The following ADAMTS20 variants were observed in gnomAD, a reference collection of about 807,000 sequenced individuals.
The protein encoded by ADAMTS20 is ADAM metallopeptidase with thrombospondin type 1 motif 20.
In ADAMTS20, 225 loss-of-function variants were observed where a neutral mutation model predicts 260.1. The ratio of observed to expected loss-of-function variants is 0.87; its 90% CI spans 0.78 to 0.97. The LOEUF (loss-of-function observed/expected upper bound fraction) is 0.97. ADAMTS20 is among the 50% of genes least tolerant of loss of function. The pLI, the probability that ADAMTS20 is intolerant of heterozygous loss-of-function variation, is 0.00. For missense variants in ADAMTS20, 2,400 were observed against 2,337.7 expected (o/e 1.03, Z -0.55); for synonymous variants, 802 against 769.5 (o/e 1.04, Z -0.70).
chr12:43,374,991 T>G (rs960166539), intron 36 of ADAMTS20, among the ~76,000 whole-genome samples: 9 of 151,950 alleles, frequency 5.9e-5, no homozygotes, highest in Admixed American at 6.6e-5. Context: ...ACCAATATGG[T>G]GAAACCCCAT....
intron 29 of ADAMTS20, among the ~76,000 whole-genome samples, chr12:43,396,269 G>A (rs1044595533): frequency 5.9e-5 from 9 of 152,100 alleles, no homozygotes; most frequent in African/African-American, 1.9e-4. Flanking sequence ...AAGCACCTCT[G>A]TGGTCAAAAT....
In ADAMTS20 at chr12:43,434,362, C is replaced by G. The variant is rs769461598; in HGVS notation, c.2603G>C (p.Arg868Pro). 6.3e-7 allele frequency: 1 copy of G among 1,580,200 alleles called. No individual in the cohort carries two copies. Among genetic ancestry groups the G allele is most frequent in the South Asian group, 1.2e-5 (1 of 85,056 alleles). Reference protein sequence around the residue: ...GCTKMCQGLQRRNITCIHKSD... With the variant: ...GCTKMCQGLQPRNITCIHKSD... ...CTTATGTATGCAAGTTATGTTTCTT[C>G]GCTGAAGACCTTGGCCAAAGTCAAA... is the stretch of plus-strand genomic sequence containing the variant. Residue 868 changes from arginine to proline, a missense_variant, in exon 19 of 39, where the codon CGA (arginine) becomes CCA (proline). By Grantham distance (103) the Arg-to-Pro change is moderately radical (BLOSUM62 -2). Coordinates refer to ENST00000389420, the MANE Select transcript of ADAMTS20 (RefSeq NM_025003.5).
intron 11 of ADAMTS20, among the ~76,000 whole-genome samples, chr12:43,461,777 A>C (rs561665119): frequency 6.6e-6 from 1 of 152,318 alleles, no homozygotes; most frequent in African/African-American, 2.4e-5. Context: ...AGTCACAGGA[A>C]CCGAGAAAAA....
chr12:43,487,208 A>C (rs1037564977), intron 7 of ADAMTS20, among the ~76,000 whole-genome samples: 1 of 152,164 alleles, frequency 6.6e-6, no homozygotes, highest in African/African-American at 2.4e-5. Flanking sequence ...TGTGGTATGT[A>C]TACACCATGG....
intron 28 of ADAMTS20, among the ~76,000 whole-genome samples, chr12:43,407,265 G>A (rs1940936793): frequency 6.6e-6 from 1 of 151,576 alleles, no homozygotes; most frequent in Middle Eastern, 3.4e-3. Flanking sequence ...CAACTTAAAG[G>A]AAAAAACCAA....
chr12:43,479,826 G>A (rs1942415102), intron 7 of ADAMTS20, among the ~76,000 whole-genome samples: 2 of 151,902 alleles, frequency 1.3e-5, no homozygotes, highest in South Asian at 2.1e-4. Context: ...AGACAACAAA[G>A]AGCAGACATT....
At chr12:43,355,139 A>G (rs542909949) in intron 38 of ADAMTS20, among the ~76,000 whole-genome samples, 7 of 152,320 alleles carry the variant, frequency 4.6e-5, no homozygotes, top group Admixed American at 3.9e-4. Flanking sequence ...AGATGGAAGA[A>G]TGTTTTGAGA....
In ADAMTS20 at chr12:43,501,481, G is replaced by GCACACA. The variant is rs3036317; in HGVS notation, c.867+665_867+670dup. On this transcript the variant is annotated intron_variant, in intron 4 of 38. Coordinates refer to ENST00000389420, the MANE Select transcript of ADAMTS20 (RefSeq NM_025003.5). ...GGGATACGCGCGCGCGCGCGCGCGC[G>GCACACA]CACACACACACACACACACACATGT... is the stretch of plus-strand genomic sequence containing the variant. 1.8e-3 allele frequency among the ~76,000 whole-genome samples: 209 copies of GCACACA among 117,844 alleles called. 1 individual carries two copies. The highest frequency in any genetic ancestry group is 5.2e-3 in the Middle Eastern group (1 of 192). 77.3% of individuals were successfully genotyped at this position (117,844 alleles called of 152,430 possible). A position where few individuals can be genotyped will look rare whatever the true frequency, so the allele number is the denominator to read the frequency against.
chr12:43,497,391 T>C (rs1433984561), intron 4 of ADAMTS20, among the ~76,000 whole-genome samples: 1 of 152,170 alleles, frequency 6.6e-6, no homozygotes, highest in Admixed American at 6.5e-5. Context: ...ATATGGTATG[T>C]TCATAGGCCA....
intron 7 of ADAMTS20, among the ~76,000 whole-genome samples, chr12:43,483,084 G>A (rs953477640): frequency 6.6e-6 from 1 of 152,160 alleles, no homozygotes. Context: ...AAATCTCAGA[G>A]TCTACGTCAC....
chr12:43,427,462 C>T lies in ADAMTS20; in HGVS notation c.3953G>A (p.Ser1318Asn), dbSNP rs1014463225. 10 of 1,608,884 alleles carry T rather than the reference C, an allele frequency of 6.2e-6. No individual in the cohort carries two copies. Among genetic ancestry groups the T allele is most frequent in the Non-Finnish European group, 8.5e-6 (10 of 1,178,146 alleles). Residue 1318 changes from serine to asparagine, a missense_variant, in exon 27 of 39, where the codon AGC becomes AAC. Coordinates refer to ENST00000389420, the MANE Select transcript of ADAMTS20 (RefSeq NM_025003.5). ...ATGCTGAAGACCTCCAGAACAACTG[C>T]TGGAGCACTGACAAGAATAAAACAC... Reference protein sequence around the residue: ...WRTGPWGSCSSSCSGGLQHRA... With the variant: ...WRTGPWGSCSNSCSGGLQHRA...
At chr12:43,369,066 G>T (rs1940046471) in intron 37 of ADAMTS20, among the ~76,000 whole-genome samples, 1 of 152,044 alleles carries the variant, frequency 6.6e-6, no homozygotes, top group Non-Finnish European at 1.5e-5. Context: ...AGAAGAAATA[G>T]AATCTGTTTA....
intron 7 of ADAMTS20, among the ~76,000 whole-genome samples, chr12:43,482,274 C>G (rs867999217): frequency 1.3e-5 from 2 of 152,186 alleles, no homozygotes; most frequent in Non-Finnish European, 2.9e-5. Flanking sequence ...ACCAGAGGAG[C>G]GAGCCTGAAG....
intron 23 of ADAMTS20, 71 bp downstream of exon 23, chr12:43,430,281 A>T: frequency 6.7e-7 from 1 of 1,482,142 alleles, no homozygotes; most frequent in South Asian, 1.4e-5. Context: ...TAAGTAAAGA[A>T]ATAATTTTAA....
chr12:43,500,973 T>C (rs1439641820), intron 4 of ADAMTS20, among the ~76,000 whole-genome samples: 1 of 152,006 alleles, frequency 6.6e-6, no homozygotes, highest in Admixed American at 6.6e-5. Context: ...GGGCCTGAAT[T>C]CCCTATATGT....
chr12:43,540,902 T>G (rs777729018), intron 2 of ADAMTS20, among the ~76,000 whole-genome samples: 10 of 152,224 alleles, frequency 6.6e-5, no homozygotes, highest in Non-Finnish European at 1.5e-4. Context: ...TTTATTATCA[T>G]AGGCCAAAAT....
intron 29 of ADAMTS20, among the ~76,000 whole-genome samples, chr12:43,386,649 C>T (rs1399206631): frequency 1.3e-5 from 2 of 152,290 alleles, no homozygotes; most frequent in East Asian, 3.9e-4. Context: ...GGTCTTTTCA[C>T]GTTGTCCCAC....
intron 28 of ADAMTS20, among the ~76,000 whole-genome samples, chr12:43,409,989 A>C (rs1191472511): frequency 6.6e-6 from 1 of 152,228 alleles, no homozygotes; most frequent in Admixed American, 6.5e-5. Flanking sequence ...AATGCCTTAA[A>C]AATTTTGAGG....
At chr12:43,403,441 T>C (rs894337769) in intron 28 of ADAMTS20, among the ~76,000 whole-genome samples, 1 of 152,128 alleles carries the variant, frequency 6.6e-6, no homozygotes. Context: ...GTATCCTTTC[T>C]GACAGTAGGG....
Sources: gnomAD v4.1 joint callset for allele counts (sites outside exome capture counted in the v4.1 genomes callset) on GRCh38, gnomAD v4.1.1 for gene constraint, MANE v1.5 for transcripts, NCBI Gene and HGNC (gene_info 2026-07-23, HGNC 2026-07-21) for gene names.